Variants in FRYL observed in about 807,000 individuals in gnomAD.
The protein encoded by FRYL is FRY like transcription coactivator.
FRYL carries 150 observed loss-of-function variants against 351.2 expected under a neutral mutation model. The observed-to-expected ratio is 0.43, with a 90% CI of 0.37 to 0.49. The LOEUF is 0.49. FRYL is among the 20% of genes least tolerant of loss of function. The pLI is 0.00. For synonymous variants in FRYL, 1,153 were observed against 1,257.1 expected (o/e 0.92, Z 1.75); for missense variants, 3,036 against 3,619.3 (o/e 0.84, Z 4.13).
At chr4:48,645,115 G>A (rs182553582) in intron 3 of FRYL, among the ~76,000 whole-genome samples, 1 of 56,732 alleles carries the variant, frequency 1.8e-5, no homozygotes, top group African/African-American at 5.9e-5. Flanking sequence ...CCAGCAGTGA[G>A]CTTTCATTTT....
chr4:48,552,591 G>C (rs971364475), intron 36 of FRYL, among the ~76,000 whole-genome samples: 8 of 151,920 alleles, frequency 5.3e-5, no homozygotes, highest in African/African-American at 1.9e-4. Context: ...CGAAACAACA[G>C]TCCAACTATG....
chr4:48,567,984 T>C lies in FRYL; in HGVS notation c.2997-564A>G, dbSNP rs4235157. ...ATTGCCTTTAAGAATATCTGCAATGTGCTGGGCGCGGTGGCTCACACCTGT... is the reference window on the plus strand; with the variant it reads ...ATTGCCTTTAAGAATATCTGCAATGCGCTGGGCGCGGTGGCTCACACCTGT... On this transcript the variant is annotated intron_variant, in intron 27 of 63. Coordinates refer to ENST00000358350, the MANE Select transcript of FRYL (RefSeq NM_015030.2). The surrounding 1 kb of genome is among the most constrained non-coding windows in gnomAD (Gnocchi z 4.2). Among the ~76,000 whole-genome samples, 149,894 of 152,352 alleles carry C rather than the reference T, an allele frequency of 0.98. 73,773 individuals are homozygous for C. The highest frequency in any genetic ancestry group is 1 in the East Asian group (5,188 of 5,188).
chr4:48,527,686 A>T, intron 52 of FRYL, 33 bp from the exon 53 acceptor site: 1 of 1,574,130 alleles, frequency 6.4e-7, no homozygotes, highest in Non-Finnish European at 8.6e-7. Flanking sequence ...AAAAAAGTCC[A>T]TCCATCAGAT....
intron 1 of FRYL, among the ~76,000 whole-genome samples, chr4:48,758,125 T>C (rs1258498077): frequency 1.3e-5 from 2 of 152,144 alleles, no homozygotes; most frequent in Non-Finnish European, 2.9e-5. Context: ...CCTGAAAGCA[T>C]AAAACCCTAG....
Position 48,586,831 on chromosome 4 carries a change from G to A in FRYL, c.1641-103C>T. 4 of 675,470 alleles carry A rather than the reference G, an allele frequency of 5.9e-6. No individual in the cohort carries two copies. In the South Asian group the frequency reaches 7.1e-5, roughly 12 times the overall value. 41.8% of individuals were successfully genotyped at this position (675,470 alleles called of 1,614,324 possible). ...CAGAAAGTGCGAGTCCTCCCCTAAAGTTCAATGTATTTAATATTTTAAAAA... is the reference window on the plus strand; with the variant it reads ...CAGAAAGTGCGAGTCCTCCCCTAAAATTCAATGTATTTAATATTTTAAAAA... On this transcript the variant is annotated intron_variant, in intron 18 of 63. Transcript: ENST00000358350.
At chr4:48,756,565 C>G (rs1773798368) in intron 1 of FRYL, among the ~76,000 whole-genome samples, 1 of 152,184 alleles carries the variant, frequency 6.6e-6, no homozygotes, top group African/African-American at 2.4e-5. Context: ...TCATACTATT[C>G]TAACTTTACC....
Position 48,500,234 on chromosome 4 carries a change from A to G in FRYL, c.8593-14T>C, listed in dbSNP as rs746111141. On this transcript the variant is annotated splice_polypyrimidine_tract_variant and intron_variant, in intron 62 of 63. Coordinates refer to ENST00000358350, the MANE Select transcript of FRYL (RefSeq NM_015030.2). ...CATGTTGATGACCTAAAACAAATAC[A>G]TCTTTAAGGATCTATTCGTATGTTT... is the stretch of plus-strand genomic sequence containing the variant. 4.0e-6 allele frequency: 6 copies of G among 1,509,426 alleles called. No homozygotes were observed. The East Asian group carries it at 7.0e-5, about 18-fold the overall frequency. 93.5% of individuals were successfully genotyped at this position (1,509,426 alleles called of 1,614,324 possible). A position where few individuals can be genotyped will look rare whatever the true frequency, so the allele number is the denominator to read the frequency against.
At chr4:48,581,965 A>G (rs959729981) in intron 20 of FRYL, among the ~76,000 whole-genome samples, 1 of 151,956 alleles carries the variant, frequency 6.6e-6, no homozygotes, top group African/African-American at 2.4e-5. Context: ...CTTCTAAGAA[A>G]CTCCTGAAAC....
intron 56 of FRYL, among the ~76,000 whole-genome samples, chr4:48,513,236 G>C (rs1384290468): frequency 6.6e-6 from 1 of 152,196 alleles, no homozygotes; most frequent in African/African-American, 2.4e-5. Flanking sequence ...TACTGGGTAA[G>C]AAATGACAGA....
intron 1 of FRYL, among the ~76,000 whole-genome samples, chr4:48,715,806 C>T (rs778712887): frequency 2.6e-5 from 4 of 152,054 alleles, no homozygotes; most frequent in South Asian, 2.1e-4. Flanking sequence ...AAAAAGAGCC[C>T]GCATCGCCAA....
At chr4:48,538,238 TACC>T (rs967651619) in intron 47 of FRYL, among the ~76,000 whole-genome samples, 1 of 152,190 alleles carries the variant, frequency 6.6e-6, no homozygotes, top group Non-Finnish European at 1.5e-5. Context: ...GCTTACTTCC[TACC>T]ACCACCATTT....
intron 54 of FRYL, among the ~76,000 whole-genome samples, chr4:48,521,618 G>A (rs970034909): frequency 6.6e-6 from 1 of 152,186 alleles, no homozygotes; most frequent in Non-Finnish European, 1.5e-5. Context: ...TATGTGTCCT[G>A]GGATAAGACA....
intron 3 of FRYL, among the ~76,000 whole-genome samples, chr4:48,644,161 C>T (rs1400506040): frequency 1.3e-5 from 2 of 152,084 alleles, no homozygotes; most frequent in African/African-American, 4.8e-5. Flanking sequence ...AGGCTGATCT[C>T]GAACTCCCGA....
chr4:48,568,272 A>G lies in FRYL; in HGVS notation c.2997-852T>C, dbSNP rs140794779. 6.6e-5 allele frequency among the ~76,000 whole-genome samples: 10 copies of G among 152,314 alleles called. No individual in the cohort carries two copies. The East Asian group carries it at 1.9e-3, about 29-fold the overall frequency. ...CTCAAGGAAGAAAGATGTATCTGCA[A>G]TGAGGTTTTCTTTGAGGCAAGGGAT... On this transcript the variant is annotated intron_variant, in intron 27 of 63. Transcript: ENST00000358350.
intron 2 of FRYL, among the ~76,000 whole-genome samples, chr4:48,702,041 A>G (rs1766774331): frequency 6.6e-6 from 1 of 152,226 alleles, no homozygotes; most frequent in South Asian, 2.1e-4. Flanking sequence ...TCAAAATTTT[A>G]TAAAATTATA....
In FRYL at chr4:48,673,482, G is replaced by C. The variant is rs1312640170; in HGVS notation, c.-81+11191C>G. Among the ~76,000 whole-genome samples the C allele has an allele frequency of 3.3e-5, 5 of 152,012 alleles. No homozygotes were observed. In the South Asian group the frequency reaches 6.2e-4, roughly 19 times the overall value. On this transcript the variant is annotated intron_variant, in intron 3 of 63. Coordinates refer to ENST00000358350, the MANE Select transcript of FRYL (RefSeq NM_015030.2). ...TGGATACTGCAGCCTGGAACTCCTG[G>C]GTTCAAGTAGTCCTCCAGCCTCAAT...
rs1747688966 is a variant in FRYL at position 48,609,837 on chromosome 4, A to T, written c.412-14T>A. On this transcript the variant is annotated splice_polypyrimidine_tract_variant and intron_variant, in intron 7 of 63. Coordinates refer to ENST00000358350, the MANE Select transcript of FRYL (RefSeq NM_015030.2). ...ATGAACAGGAATCTAGAATTTAAAAAAATTATCAAGTAAGAGTTAAATTAT... is the reference window on the plus strand; with the variant it reads ...ATGAACAGGAATCTAGAATTTAAAATAATTATCAAGTAAGAGTTAAATTAT... 2 of 1,455,970 alleles carry T rather than the reference A, an allele frequency of 1.4e-6. No homozygotes were observed. The highest frequency in any genetic ancestry group is 1.9e-6 in the Non-Finnish European group (2 of 1,059,500). 90.2% of individuals were successfully genotyped at this position (1,455,970 alleles called of 1,614,324 possible). A position where few individuals can be genotyped will look rare whatever the true frequency, so the allele number is the denominator to read the frequency against.
At chr4:48,572,446 A>T (rs1052394670) in intron 26 of FRYL, among the ~76,000 whole-genome samples, 1 of 152,214 alleles carries the variant, frequency 6.6e-6, no homozygotes, top group Non-Finnish European at 1.5e-5. Context: ...TGCAATTTCA[A>T]AATTCTTTGT....
intron 56 of FRYL, among the ~76,000 whole-genome samples, chr4:48,514,030 T>A (rs1723021317): frequency 6.6e-6 from 1 of 152,234 alleles, no homozygotes; most frequent in South Asian, 2.1e-4. Flanking sequence ...TTATTGTTAA[T>A]ATCTGATTGT....
Sources: allele counts gnomAD v4.1 joint callset (sites outside exome capture counted in the v4.1 genomes callset), GRCh38; gene constraint gnomAD v4.1.1; non-coding constraint Gnocchi (gnomAD v3.1); transcripts MANE v1.5; gene names NCBI Gene and HGNC (gene_info 2026-07-23, HGNC 2026-07-21).